The following SPAG16 variants were observed in gnomAD, a reference collection of about 807,000 sequenced individuals.
SPAG16 encodes sperm-associated antigen 16 protein.
Under a neutral mutation model 80.4 loss-of-function variants are expected in SPAG16, and 86 were observed. The observed-to-expected ratio is 1.07, with a 90% CI of 0.90 to 1.28. SPAG16 has a LOEUF of 1.28. Ranked by LOEUF, SPAG16 falls within the 50% of genes most tolerant of loss-of-function variation. SPAG16 has a pLI of 0.00. For missense variants in SPAG16, 870 were observed against 765.3 expected (o/e 1.14, Z -1.61); for synonymous variants, 294 against 265.9 (o/e 1.11, Z -1.03).
chr2:213,707,181 T>C (rs1204111989), intron 10 of SPAG16, among the ~76,000 whole-genome samples: 1 of 152,220 alleles, frequency 6.6e-6, no homozygotes, highest in African/African-American at 2.4e-5. Context: ...ACAGTTGGTT[T>C]TCATTTACTT....
intron 12 of SPAG16, among the ~76,000 whole-genome samples, chr2:213,982,934 T>C (rs2045833689): frequency 6.6e-6 from 1 of 152,032 alleles, no homozygotes; most frequent in Non-Finnish European, 1.5e-5. Context: ...TTACAATTAC[T>C]ATAATTTAAA....
intron 10 of SPAG16, among the ~76,000 whole-genome samples, chr2:213,621,411 G>C (rs2061777950): frequency 6.6e-6 from 1 of 152,114 alleles, no homozygotes; most frequent in South Asian, 2.1e-4. Flanking sequence ...GGAAAGACTT[G>C]CTGTATTATT....
At chr2:214,081,245 G>T (rs923773095) in intron 13 of SPAG16, among the ~76,000 whole-genome samples, 1 of 151,958 alleles carries the variant, frequency 6.6e-6, no homozygotes, top group Non-Finnish European at 1.5e-5. Context: ...ACTCCAAGCC[G>T]CATTAGCCAA....
At chr2:213,289,416 A>G (rs575198769) in intron 1 of SPAG16, among the ~76,000 whole-genome samples, 2 of 152,326 alleles carry the variant, frequency 1.3e-5, no homozygotes, top group Admixed American at 6.5e-5. Context: ...TGGCCAGTAC[A>G]TTTCCACTCT....
chr2:214,147,408 T>C (rs549252771), intron 14 of SPAG16, among the ~76,000 whole-genome samples: 4 of 152,214 alleles, frequency 2.6e-5, no homozygotes, highest in African/African-American at 4.8e-5. Flanking sequence ...ATCCATAGAC[T>C]CCAGACAATG....
At chr2:213,929,216 G>C (rs987107431) in intron 11 of SPAG16, among the ~76,000 whole-genome samples, 2 of 151,614 alleles carry the variant, frequency 1.3e-5, no homozygotes, top group Non-Finnish European at 2.9e-5. Context: ...GTTTCACCTT[G>C]TTGGCCAGGT....
intron 5 of SPAG16, among the ~76,000 whole-genome samples, chr2:213,336,539 G>T (rs2064368527): frequency 6.6e-6 from 1 of 152,212 alleles, no homozygotes; most frequent in Admixed American, 6.5e-5. Context: ...GTTGGCCATT[G>T]TCCCCTGCTG....
intron 13 of SPAG16, among the ~76,000 whole-genome samples, chr2:214,069,961 T>C (rs1183918447): frequency 6.6e-6 from 1 of 152,070 alleles, no homozygotes; most frequent in Non-Finnish European, 1.5e-5. Context: ...GTAACTTTGG[T>C]TAATAACATT....
chr2:214,094,587 T>A (rs1007204947), intron 13 of SPAG16, among the ~76,000 whole-genome samples: 2 of 152,134 alleles, frequency 1.3e-5, no homozygotes, highest in Non-Finnish European at 2.9e-5. Flanking sequence ...TGTTTTCTAA[T>A]TTATAATAGA....
intron 10 of SPAG16, among the ~76,000 whole-genome samples, chr2:213,747,457 C>T (rs2067878369): frequency 6.6e-6 from 1 of 152,192 alleles, no homozygotes; most frequent in African/African-American, 2.4e-5. Context: ...ACTCGCCACT[C>T]ACTCACTTTC....
chr2:213,585,061 C>T lies in SPAG16; in HGVS notation c.1070+94971C>T, dbSNP rs112719150. Among the ~76,000 whole-genome samples, 240 of 151,676 alleles carry T rather than the reference C, an allele frequency of 1.6e-3. 3 individuals carry two copies. The highest frequency in any genetic ancestry group is 4.7e-3 in the African/African-American group (193 of 41,438). ...AAAGTTAGCCAGGCATGGTGGCATA[C>T]ACCTGTAATCCCAGCTGCTCAGGAG... is the stretch of plus-strand genomic sequence containing the variant. On this transcript the variant is annotated intron_variant, in intron 10 of 15. Transcript: ENST00000331683.
chr2:213,647,822 T>A (rs1015371148), intron 10 of SPAG16, among the ~76,000 whole-genome samples: 12 of 152,170 alleles, frequency 7.9e-5, no homozygotes, highest in African/African-American at 2.4e-4. Flanking sequence ...GTGCAAGACA[T>A]ACCTCAAATA....
intron 10 of SPAG16, among the ~76,000 whole-genome samples, chr2:213,851,087 G>T (rs1451506138): frequency 6.6e-6 from 1 of 152,116 alleles, no homozygotes; most frequent in Non-Finnish European, 1.5e-5. Context: ...TTTTAGTTCA[G>T]AAGTATAAAA....
intron 10 of SPAG16, among the ~76,000 whole-genome samples, chr2:213,576,970 A>C (rs1195170873): frequency 6.8e-4 from 104 of 151,980 alleles, no homozygotes; most frequent in African/African-American, 2.5e-3. Context: ...ACATAGGTAA[A>C]CTTGTGTACT....
At chr2:213,876,282 C>A (rs574025474) in intron 11 of SPAG16, among the ~76,000 whole-genome samples, 10 of 137,290 alleles carry the variant, frequency 7.3e-5, no homozygotes, top group Non-Finnish European at 1.5e-4. Flanking sequence ...GACAGAAAAT[C>A]TGACTAGTAT....
intron 10 of SPAG16, among the ~76,000 whole-genome samples, chr2:213,608,110 C>T (rs902155505): frequency 1.3e-5 from 2 of 151,856 alleles, no homozygotes; most frequent in Admixed American, 1.3e-4. Context: ...TGTGTGTGTG[C>T]GTGTTAGGAG....
chr2:213,738,040 T>G (rs1196436766), intron 10 of SPAG16, among the ~76,000 whole-genome samples: 4 of 152,336 alleles, frequency 2.6e-5, no homozygotes, highest in Non-Finnish European at 5.9e-5. Context: ...TTCTAAACAC[T>G]TTATAGTTTT....
intron 10 of SPAG16, among the ~76,000 whole-genome samples, chr2:213,491,392 C>A (rs946015686): frequency 3.3e-5 from 5 of 152,198 alleles, no homozygotes; most frequent in African/African-American, 7.2e-5. Flanking sequence ...TTCAGATGAT[C>A]TCCCCACCTT....
intron 10 of SPAG16, among the ~76,000 whole-genome samples, chr2:213,660,993 TA>T (rs2063405025): frequency 6.6e-6 from 1 of 151,558 alleles, no homozygotes; most frequent in South Asian, 2.1e-4. Context: ...TATGCACTCT[TA>T]ACTTGTCTTG....
Sources: allele counts gnomAD v4.1 joint callset (sites outside exome capture counted in the v4.1 genomes callset), GRCh38; gene constraint gnomAD v4.1.1; transcripts MANE v1.5; gene names NCBI Gene and HGNC (gene_info 2026-07-23, HGNC 2026-07-21).